SPON2: variants seen among roughly 807,000 people sequenced by gnomAD.
SPON2 encodes spondin-2.
In SPON2, 32 loss-of-function variants were observed where a neutral mutation model predicts 29.9. That is an observed-to-expected ratio of 1.07 (90% confidence interval 0.81 to 1.44). SPON2 has a LOEUF of 1.44. SPON2 is among the 40% of genes most tolerant of loss of function. SPON2 has a pLI of 0.00. For synonymous variants in SPON2, 248 were observed against 209.1 expected (o/e 1.19, Z -1.61); for missense variants, 541 against 455.5 (o/e 1.19, Z -1.71).
Position 1,167,522 on chromosome 4 carries a change from A to C in SPON2, c.946T>G (p.Cys316Gly), listed in dbSNP as rs1727280064. The change falls in exon 6 of 6, where the codon TGC (cysteine) becomes GGC (glycine). Residue 316 changes from cysteine to glycine, a missense_variant. By Grantham distance (159) the Cys-to-Gly change is radical. Coordinates refer to ENST00000290902, the MANE Select transcript of SPON2 (RefSeq NM_012445.4). ...RVQPANNGSP[C>G]PELEEEAECV... ...TCAGCCTCTTCTTCGAGCTCGGGGC[A>C]GGGGCTCCCGTTGTTGGCGGGCTGG... 6.2e-7 allele frequency: 1 copy of C among 1,613,842 alleles called. No homozygotes were observed. Among genetic ancestry groups the C allele is most frequent in the African/African-American group, 1.3e-5 (1 of 75,058 alleles).
upstream of SPON2, among the ~76,000 whole-genome samples, chr4:1,195,630 C>T (rs1197073462): frequency 6.6e-6 from 1 of 152,228 alleles, no homozygotes. Context: ...GCAAAACCGC[C>T]ATCACAGCCC....
chr4:1,183,617 ATTAAT>A (rs1410394490), intron 1 of SPON2, among the ~76,000 whole-genome samples: 3 of 152,212 alleles, frequency 2.0e-5, no homozygotes, highest in African/African-American at 7.2e-5. Context: ...TTTTAAAATT[ATTAAT>A]TTATGTTTTG....
chr4:1,167,336 TGGTC>T lies in SPON2; in HGVS notation c.*132_*135del. 1 of 883,230 alleles carries T rather than the reference TGGTC, an allele frequency of 1.1e-6. No individual in the cohort carries two copies. The highest frequency in any genetic ancestry group is 1.7e-6 in the Non-Finnish European group (1 of 580,458). 54.7% of individuals were successfully genotyped at this position (883,230 alleles called of 1,614,324 possible). On this transcript the variant is annotated 3_prime_UTR_variant, in exon 6 of 6. Transcript: ENST00000290902. ...ACCAGAGGGCCCTTCAGTGCAGAGA[TGGTC>T]GGCGCGGCCTCACCGCGGTCAGGAG... is the stretch of plus-strand genomic sequence containing the variant.
At chr4:1,170,618 C>T (rs1281973752) in intron 4 of SPON2, 42 bp from the exon 5 acceptor site, 3 of 1,574,436 alleles carry the variant, frequency 1.9e-6, no homozygotes, top group Admixed American at 1.9e-5. Flanking sequence ...GTCCGAGAAG[C>T]CCACCTTCTG....
chr4:1,178,142 C>T (rs1727640194), upstream of SPON2, among the ~76,000 whole-genome samples: 2 of 147,906 alleles, frequency 1.4e-5, no homozygotes, highest in African/African-American at 5.1e-5. Context: ...GGGCTCTGCA[C>T]ACACCGAGGG....
chr4:1,207,582 C>T (rs1470560764), intron 1 of SPON2, among the ~76,000 whole-genome samples: 13 of 128,650 alleles, frequency 1.0e-4, no homozygotes, highest in South Asian at 7.9e-4. Context: ...CGCGCTTACA[C>T]ATGCTCCAGA....
At chr4:1,172,199 G>A in intron 1 of SPON2, 125 bp from the exon 2 acceptor site, 1 of 762,636 alleles carries the variant, frequency 1.3e-6, no homozygotes. Context: ...CCCCCTCCCT[G>A]CTCCGCAAAG....
chr4:1,167,695 G>T, intron 5 of SPON2, 39 bp from the exon 6 acceptor site: 1 of 1,539,818 alleles, frequency 6.5e-7, no homozygotes, highest in Non-Finnish European at 8.8e-7. Context: ...GAACGCTCGC[G>T]TGAAGAGGCG....
upstream of SPON2, among the ~76,000 whole-genome samples, chr4:1,175,685 G>A (rs1270224399): frequency 6.6e-6 from 1 of 151,860 alleles, no homozygotes; most frequent in Non-Finnish European, 1.5e-5. Flanking sequence ...CTAGGATGTG[G>A]GTGGTGGTAG....
chr4:1,199,358 C>T (rs1353725282), upstream of SPON2: 2 of 152,192 alleles, frequency 1.3e-5, no homozygotes, highest in Non-Finnish European at 2.9e-5. The surrounding 1 kb of genome is among the most constrained non-coding windows in gnomAD (Gnocchi z 4.5). Flanking sequence ...AATCACACCA[C>T]TGCACTCCAG....
At chr4:1,174,507 AAAACAAAAAAC>A (rs1727552863), upstream of SPON2, among the ~76,000 whole-genome samples, 3 of 149,946 alleles carry the variant, frequency 2.0e-5, no homozygotes, top group Non-Finnish European at 4.4e-5. Flanking sequence ...AAAAAACAAA[AAAACAAAAAAC>A]AAAAACAAAA....
chr4:1,189,689 A>C (rs1727869811), intron 1 of SPON2, among the ~76,000 whole-genome samples: 1 of 150,990 alleles, frequency 6.6e-6, no homozygotes, highest in Non-Finnish European at 1.5e-5. Flanking sequence ...AACAAAAAAC[A>C]AAAGTTGGTT....
At chr4:1,181,076 C>T (rs1446850226) in intron 1 of SPON2, among the ~76,000 whole-genome samples, 1 of 152,188 alleles carries the variant, frequency 6.6e-6, no homozygotes, top group Non-Finnish European at 1.5e-5. Flanking sequence ...GATAGCCGCA[C>T]TGACACACAT....
At chr4:1,199,588 C>T (rs530558985), upstream of SPON2, 1 of 152,336 alleles carries the variant, frequency 6.6e-6, no homozygotes, top group African/African-American at 2.4e-5. The surrounding 1 kb of genome is among the most constrained non-coding windows in gnomAD (Gnocchi z 4.5). Context: ...TATGGAGCAG[C>T]TCCGGCCATG....
At position 1,171,946 on chromosome 4, in the gene SPON2, T is replaced by C. The variant is rs965810353; in HGVS notation, c.126A>G (p.Lys42=). ...ESICSARALA[K]YSITFTGKWS... is the part of the protein sequence containing the mutation. ...ACTTGCCCGTGAAGGTGATGCTGTA[T>C]TTGGCCAGGGCTCTGGCGGAACAGA... Residue 42 remains lysine (K), a synonymous_variant, in exon 2 of 6, where the codon AAA becomes AAG. Coordinates refer to ENST00000290902, the MANE Select transcript of SPON2 (RefSeq NM_012445.4). 3 of 1,612,680 alleles carry C rather than the reference T, an allele frequency of 1.9e-6. No individual in the cohort carries two copies. Among genetic ancestry groups the C allele is most frequent in the African/African-American group, 2.7e-5 (2 of 74,888 alleles).
chr4:1,201,336 G>T, intron 1 of SPON2: 2 of 347,104 alleles, frequency 5.8e-6, no homozygotes, highest in South Asian at 4.4e-5. Flanking sequence ...CCCCTTGCTC[G>T]CTTCCCTGAA....
intron 1 of SPON2, among the ~76,000 whole-genome samples, chr4:1,187,053 G>T (rs1025161611): frequency 6.6e-6 from 1 of 152,176 alleles, no homozygotes; most frequent in Non-Finnish European, 1.5e-5. Context: ...GGAAATCAGG[G>T]TCTTGAAAAT....
At position 1,170,386 on chromosome 4, in the gene SPON2, C is replaced by T. The variant is rs546805925; in HGVS notation, c.811+16G>A. On this transcript the variant is annotated intron_variant, in intron 5 of 5. Transcript: ENST00000290902. Reference sequence around the variant, plus strand: ...CGGGGCTGCTGTGTGTCCCATGTGACCTGTATGTCCGTTACCTGAGGCGCT... The same window carrying T: ...CGGGGCTGCTGTGTGTCCCATGTGATCTGTATGTCCGTTACCTGAGGCGCT... 47 of 1,608,718 alleles carry T rather than the reference C, an allele frequency of 2.9e-5. No homozygotes were observed. The South Asian group carries it at 4.1e-4, about 14-fold the overall frequency.
In SPON2 at chr4:1,171,423, C is replaced by G. The variant is rs753804099; in HGVS notation, c.284G>C (p.Arg95Pro). 1 of 1,612,326 alleles carries G rather than the reference C, an allele frequency of 6.2e-7. No individual in the cohort carries two copies. Among genetic ancestry groups the G allele is most frequent in the South Asian group, 1.1e-5 (1 of 91,076 alleles). ...GGCCTCGCCGCGCTCCGCAAAGTCG[C>G]GCAGCCCGTTACTGACGTACTGGTT... Reference protein sequence around the residue: ...RKNQYVSNGLRDFAERGEAWA... With the variant: ...RKNQYVSNGLPDFAERGEAWA... The change falls in exon 3 of 6, where the codon CGC becomes CCC. Residue 95 changes from arginine (R) to proline (P), a missense_variant. By Grantham distance (103) the Arg-to-Pro change is moderately radical. Transcript: ENST00000290902.
Sources: allele counts gnomAD v4.1 joint callset (sites outside exome capture counted in the v4.1 genomes callset), GRCh38; gene constraint gnomAD v4.1.1; non-coding constraint Gnocchi (gnomAD v3.1); transcripts MANE v1.5; gene names NCBI Gene and HGNC (gene_info 2026-07-23, HGNC 2026-07-21).